The following INTS6 variants were observed in gnomAD, a reference collection of about 807,000 sequenced individuals.
The protein encoded by INTS6 is DEAD box protein.
A neutral mutation model predicts 104.9 loss-of-function variants in INTS6; 16 were observed. The observed-to-expected ratio is 0.15, with a 90% CI of 0.10 to 0.23. The LOEUF is 0.23. INTS6 is among the 10% of genes least tolerant of loss of function. The probability of loss-of-function intolerance (pLI) is 1.00; values close to 1 mark genes in which losing one functional copy is unlikely to be tolerated. For synonymous variants in INTS6, 324 were observed against 358.7 expected (o/e 0.90, Z 1.09); for missense variants, 584 against 1,062.8 (o/e 0.55, Z 6.26).
At chr13:51,341,716 G>A in the INTS6 span, among the ~76,000 whole-genome samples, 1 of 152,216 alleles carries the variant, frequency 6.6e-6, no homozygotes, top group Non-Finnish European at 1.5e-5. Flanking sequence ...AGGCAGTGCT[G>A]GAGGCACTTA....
downstream of INTS6, among the ~76,000 whole-genome samples, chr13:51,349,791 A>G (rs2137788343): frequency 6.6e-6 from 1 of 152,360 alleles, no homozygotes; most frequent in East Asian, 1.9e-4. Flanking sequence ...TAACACAACT[A>G]TTAGTTAGCA....
intron 3 of INTS6, chr13:51,437,838 G>C (rs2138128662): frequency 6.6e-6 from 1 of 152,236 alleles, no homozygotes; most frequent in South Asian, 2.1e-4. Flanking sequence ...TTGAAACACT[G>C]TCTCTACTAA....
intron 4 of INTS6, among the ~76,000 whole-genome samples, chr13:51,420,807 T>C (rs935080619): frequency 2.7e-5 from 4 of 150,432 alleles, no homozygotes; most frequent in African/African-American, 9.8e-5. Flanking sequence ...TGCAATTTTG[T>C]AACCAAAGTG....
chr13:51,446,703 T>C (rs191762372), intron 3 of INTS6: 3 of 152,254 alleles, frequency 2.0e-5, no homozygotes, highest in East Asian at 1.9e-4. Context: ...GTACATACAA[T>C]AGAGTATTAT....
chr13:51,414,978 G>A (rs1212242812), intron 4 of INTS6, among the ~76,000 whole-genome samples: 5 of 151,682 alleles, frequency 3.3e-5, no homozygotes, highest in African/African-American at 4.8e-5. Flanking sequence ...AGAACAATTC[G>A]AAAGTCAAGA....
intron 4 of INTS6, among the ~76,000 whole-genome samples, chr13:51,417,452 C>CTTTT (rs34887995): frequency 0.024 from 2,655 of 112,388 alleles, 54 homozygotes; most frequent in South Asian, 0.049. Context: ...TAAGAAAATT[C>CTTTT]TTTTTTTTTT....
At chr13:51,380,376 T>C (rs1338002631) in intron 10 of INTS6, among the ~76,000 whole-genome samples, 1 of 152,128 alleles carries the variant, frequency 6.6e-6, no homozygotes. Context: ...ATCATTGACA[T>C]ATTAGAAAGT....
intron 4 of INTS6, among the ~76,000 whole-genome samples, chr13:51,417,260 C>G (rs986112802): frequency 2.0e-5 from 3 of 152,122 alleles, no homozygotes; most frequent in Admixed American, 2.0e-4. Context: ...CTTCTGGTGT[C>G]ATGTCTAACT....
intron 3 of INTS6, among the ~76,000 whole-genome samples, chr13:51,433,436 A>C (rs1194428062): frequency 6.6e-6 from 1 of 152,244 alleles, no homozygotes; most frequent in Non-Finnish European, 1.5e-5. Flanking sequence ...CGACAGAGTG[A>C]GACTCCGTCT....
At chr13:51,424,337 C>T (rs986403004) in intron 4 of INTS6, among the ~76,000 whole-genome samples, 3 of 151,730 alleles carry the variant, frequency 2.0e-5, no homozygotes, top group African/African-American at 7.3e-5. Context: ...TTGTGTTTGC[C>T]TAGAAGTACT....
intron 11 of INTS6, among the ~76,000 whole-genome samples, chr13:51,378,785 A>G (rs546484031): frequency 6.6e-6 from 1 of 152,156 alleles, no homozygotes; most frequent in South Asian, 2.1e-4. Context: ...TTCAGGGGTG[A>G]CGGTAAATTA....
chr13:51,376,039 T>C lies in INTS6; in HGVS notation c.1729+9A>G, dbSNP rs1397972960. ...ATTAAAAATACCAGTATTGAAACTA[T>C]GTTCTAACCTTCGTCCTGTCCTTTC... is the stretch of plus-strand genomic sequence containing the variant. On this transcript the variant is annotated intron_variant, in intron 13 of 17. Coordinates refer to ENST00000311234, the MANE Select transcript of INTS6 (RefSeq NM_012141.3). 3 of 1,589,906 alleles carry C rather than the reference T, an allele frequency of 1.9e-6. No homozygotes were observed. Among genetic ancestry groups the C allele is most frequent in the Non-Finnish European group, 2.6e-6 (3 of 1,171,184 alleles).
At chr13:51,437,140 A>G (rs953050464) in intron 3 of INTS6, 4 of 152,202 alleles carry the variant, frequency 2.6e-5, no homozygotes, top group African/African-American at 9.6e-5. Flanking sequence ...TTTTAAAAAT[A>G]AACGTATAAA....
intron 13 of INTS6, among the ~76,000 whole-genome samples, chr13:51,375,119 G>A (rs1411449818): frequency 1.3e-5 from 2 of 152,122 alleles, no homozygotes; most frequent in Non-Finnish European, 2.9e-5. Flanking sequence ...GGGAGGCTGA[G>A]GCAGACATCC....
At chr13:51,417,874 C>A (rs9568589) in intron 4 of INTS6, among the ~76,000 whole-genome samples, 3,885 of 152,288 alleles carry the variant, frequency 0.026, 59 homozygotes, top group South Asian at 0.059. Context: ...ATATGACTGT[C>A]CTTATGCAGT....
intron 4 of INTS6, among the ~76,000 whole-genome samples, chr13:51,419,261 A>G (rs1475345512): frequency 1.3e-5 from 2 of 152,194 alleles, no homozygotes; most frequent in Non-Finnish European, 2.9e-5. Context: ...TGCAAATCTA[A>G]TAACTTTCTC....
chr13:51,349,939 C>T (rs1158112061), downstream of INTS6, among the ~76,000 whole-genome samples: 1 of 152,036 alleles, frequency 6.6e-6, no homozygotes, highest in Non-Finnish European at 1.5e-5. Context: ...TGTTTTTAAG[C>T]TAGCTTTAAA....
intron 3 of INTS6, among the ~76,000 whole-genome samples, chr13:51,355,728 TA>T (rs1378881215): frequency 6.6e-6 from 1 of 152,188 alleles, no homozygotes; most frequent in Non-Finnish European, 1.5e-5. Context: ...GCTGTTTGCT[TA>T]TGGTATTATA....
chr13:51,438,869 T>G lies in INTS6; in HGVS notation c.340-8486A>C, dbSNP rs533723830. 7.9e-5 allele frequency: 12 copies of G among 152,368 alleles called. No individual in the cohort carries two copies. In the South Asian group the frequency reaches 2.5e-3, roughly 32 times the overall value. The allele number at this position is 152,368 out of a possible 1,614,324, so 9.4% of individuals were successfully genotyped here. ...CCAAAAGCACTGTACCTTGTCATTG[T>G]CTTGCAACATCACCCACTGTCACTT... On this transcript the variant is annotated intron_variant, in intron 3 of 17. Coordinates refer to ENST00000311234, the MANE Select transcript of INTS6 (RefSeq NM_012141.3).
Sources: allele counts gnomAD v4.1 joint callset (sites outside exome capture counted in the v4.1 genomes callset), GRCh38; gene constraint gnomAD v4.1.1; transcripts MANE v1.5; gene names NCBI Gene and HGNC (gene_info 2026-07-23, HGNC 2026-07-21).